Variants in CRIM1 observed in about 807,000 individuals in gnomAD.
The protein encoded by CRIM1 is cysteine rich transmembrane BMP regulator 1, also known as cysteine-rich motor neuron 1 protein.
A neutral mutation model predicts 116.4 loss-of-function variants in CRIM1; 32 were observed. The observed-to-expected ratio is 0.27, with a 90% confidence interval of 0.21 to 0.37. The LOEUF (loss-of-function observed/expected upper bound fraction) is 0.37. Among genes scored for constraint, CRIM1 ranks in the 10% least tolerant of loss-of-function variants. CRIM1 has a pLI of 1.00. For missense variants in CRIM1, 1,331 were observed against 1,354.8 expected, an observed-to-expected ratio of 0.98 and a Z score of 0.28; for synonymous variants, 590 against 509.2, an observed-to-expected ratio of 1.16 and a Z score of -2.13.
chr2:36,434,897 C>G (rs1675177920), intron 2 of CRIM1, among the ~76,000 whole-genome samples: 1 of 152,104 alleles, frequency 6.6e-6, no homozygotes, highest in Admixed American at 6.5e-5. Flanking sequence ...TGTGCTTTCT[C>G]CCTTCTTTCA....
intron 7 of CRIM1, among the ~76,000 whole-genome samples, chr2:36,479,911 A>T (rs895222398): frequency 6.6e-6 from 1 of 152,238 alleles, no homozygotes; most frequent in Admixed American, 6.5e-5. Flanking sequence ...TGCCATTGCA[A>T]ATATGCGCGT....
At chr2:36,535,139 G>A (rs942565437) in intron 13 of CRIM1, among the ~76,000 whole-genome samples, 3 of 122,078 alleles carry the variant, frequency 2.5e-5, no homozygotes, top group Non-Finnish European at 5.0e-5. Context: ...GAGGGAAGGG[G>A]AAGGAAGGAG....
intron 7 of CRIM1, among the ~76,000 whole-genome samples, chr2:36,497,045 A>T (rs1680651597): frequency 6.6e-6 from 1 of 152,218 alleles, no homozygotes; most frequent in Non-Finnish European, 1.5e-5. Context: ...CTATGATATG[A>T]TGATTATACA....
chr2:36,463,772 G>A (rs1677771491), intron 4 of CRIM1, among the ~76,000 whole-genome samples: 1 of 148,146 alleles, frequency 6.8e-6, no homozygotes, highest in African/African-American at 2.7e-5. Context: ...GTGAGAGCCA[G>A]CACAGCCAGC....
chr2:36,530,569 G>T (rs779479804), intron 13 of CRIM1, among the ~76,000 whole-genome samples: 1 of 152,148 alleles, frequency 6.6e-6, no homozygotes, highest in Non-Finnish European at 1.5e-5. Flanking sequence ...TTCCTTTGTG[G>T]CTTAGAGAGT....
intron 1 of CRIM1, among the ~76,000 whole-genome samples, chr2:36,383,783 C>CTAGA (rs1447840615): frequency 6.6e-6 from 1 of 152,078 alleles, no homozygotes; most frequent in Non-Finnish European, 1.5e-5. Flanking sequence ...GTAGTAGCAG[C>CTAGA]TTTCTAGGTA....
intron 5 of CRIM1, among the ~76,000 whole-genome samples, chr2:36,465,141 G>C (rs935764266): frequency 6.6e-6 from 1 of 152,202 alleles, no homozygotes; most frequent in Admixed American, 6.5e-5. Flanking sequence ...GAGAGGCGGT[G>C]GGGAAGACAT....
intron 13 of CRIM1, among the ~76,000 whole-genome samples, chr2:36,533,274 C>T (rs1173003554): frequency 1.3e-5 from 2 of 151,960 alleles, no homozygotes; most frequent in Non-Finnish European, 2.9e-5. Context: ...TTGAAGGAGA[C>T]AGTGTATCTA....
At chr2:36,394,127 T>A (rs189116807) in intron 1 of CRIM1, among the ~76,000 whole-genome samples, 1 of 152,106 alleles carries the variant, frequency 6.6e-6, no homozygotes, top group African/African-American at 2.4e-5. Context: ...GTGGAAAAAA[T>A]TCTGCAATAG....
chr2:36,537,005 C>T (rs572763615), intron 13 of CRIM1, among the ~76,000 whole-genome samples: 25 of 152,184 alleles, frequency 1.6e-4, no homozygotes, highest in African/African-American at 5.5e-4. Flanking sequence ...GTATTGTTTA[C>T]AAAACAGGAA....
chr2:36,370,249 C>T (rs1225430164), intron 1 of CRIM1, among the ~76,000 whole-genome samples: 2 of 149,352 alleles, frequency 1.3e-5, no homozygotes, highest in Non-Finnish European at 1.5e-5. Flanking sequence ...AGTTTTTGAC[C>T]TTACGCAGAA....
intron 13 of CRIM1, 127 bp downstream of exon 13, chr2:36,522,440 C>T: frequency 1.4e-6 from 1 of 704,548 alleles, no homozygotes; most frequent in South Asian, 1.7e-5. Context: ...GTCACACAGA[C>T]CCAGTGTAGC....
At chr2:36,412,574 G>T (rs566821031) in intron 2 of CRIM1, among the ~76,000 whole-genome samples, 1 of 152,184 alleles carries the variant, frequency 6.6e-6, no homozygotes, top group East Asian at 1.9e-4. Context: ...TATTATTTGT[G>T]TATTCCTCAG....
chr2:36,423,819 C>CT (rs1192444581), intron 2 of CRIM1, among the ~76,000 whole-genome samples: 4 of 152,142 alleles, frequency 2.6e-5, no homozygotes, highest in Non-Finnish European at 4.4e-5. Context: ...AGGTATTAGT[C>CT]TAAGCCATTG....
intron 1 of CRIM1, among the ~76,000 whole-genome samples, chr2:36,389,407 AT>A (rs1671411435): frequency 6.6e-6 from 1 of 152,230 alleles, no homozygotes. Flanking sequence ...AGATGCCAGT[AT>A]TAGCTATTTG....
In CRIM1 at chr2:36,537,399, T is replaced by A. The variant is rs757845627; in HGVS notation, c.2476T>A (p.Tyr826Asn). 1 of 1,614,244 alleles carries A rather than the reference T, an allele frequency of 6.2e-7. No individual in the cohort carries two copies. Among genetic ancestry groups the A allele is most frequent in the Non-Finnish European group, 8.5e-7 (1 of 1,180,044 alleles). The stretch of plus-strand genomic sequence containing the variant: ...GGTGTGCCACTTCAGTGGGAAGGCC[T>A]ATGCCGACGAGGAGCGGTGGGACCT... Reference protein sequence around the residue: ...KVVCHFSGKAYADEERWDLDS... With the variant: ...KVVCHFSGKANADEERWDLDS... The change falls in exon 14 of 17, where the codon TAT becomes AAT. Residue 826 changes from tyrosine (Y) to asparagine (N), a missense_variant. Tyr to Asn is a moderately radical substitution (Grantham distance 143). Coordinates refer to ENST00000280527, the MANE Select transcript of CRIM1 (RefSeq NM_016441.3).
At chr2:36,454,330 G>T (rs1676973586) in intron 4 of CRIM1, among the ~76,000 whole-genome samples, 1 of 151,906 alleles carries the variant, frequency 6.6e-6, no homozygotes. Flanking sequence ...ACATTTGATG[G>T]TCATTTCACA....
chr2:36,534,939 C>G (rs1666431855), intron 13 of CRIM1, among the ~76,000 whole-genome samples: 2 of 152,138 alleles, frequency 1.3e-5, no homozygotes, highest in Admixed American at 1.3e-4. Flanking sequence ...AGTGATACTG[C>G]TCTATCAAAC....
intron 4 of CRIM1, among the ~76,000 whole-genome samples, chr2:36,455,456 ATTACT>A (rs1558604480): frequency 1.3e-5 from 2 of 152,286 alleles, no homozygotes; most frequent in South Asian, 4.1e-4. Flanking sequence ...GCTTAGAGAG[ATTACT>A]TAACTTACTC....
Sources: allele counts gnomAD v4.1 joint callset (sites outside exome capture counted in the v4.1 genomes callset), GRCh38; gene constraint gnomAD v4.1.1; transcripts MANE v1.5; gene names NCBI Gene and HGNC (gene_info 2026-07-23, HGNC 2026-07-21).